Variants in CEP104 observed in about 807,000 individuals in gnomAD.
CEP104 encodes centrosomal protein 104, also known as centrosomal protein of 104 kDa.
Under a neutral mutation model 113.3 loss-of-function variants are expected in CEP104, and 84 were observed. The ratio of observed to expected loss-of-function variants is 0.74; its 90% CI spans 0.62 to 0.89. The LOEUF (loss-of-function observed/expected upper bound fraction) is 0.89. Ranked by LOEUF, CEP104 falls within the 40% of genes least tolerant of loss-of-function variation. The pLI, the probability that CEP104 is intolerant of heterozygous loss-of-function variation, is 0.00. For missense variants in CEP104, 1,053 were observed against 1,156.6 expected (o/e 0.91, Z 1.30); for synonymous variants, 378 against 421.7 (o/e 0.90, Z 1.27).
At chr1:3,856,469 C>T (rs1644731857) in intron 1 of CEP104, among the ~76,000 whole-genome samples, 1 of 152,196 alleles carries the variant, frequency 6.6e-6, no homozygotes, top group African/African-American at 2.4e-5. Flanking sequence ...ACAAAACAAA[C>T]TCCAAAACAA....
chr1:3,845,326 A>G lies in CEP104; in HGVS notation c.452T>C (p.Ile151Thr), dbSNP rs763807562. 47 of 1,609,246 alleles carry G rather than the reference A, an allele frequency of 2.9e-5. 1 individual carries two copies. Among genetic ancestry groups the G allele is most frequent in the East Asian group, 2.0e-4 (9 of 44,854 alleles). The change falls in exon 5 of 22, where the codon ATT becomes ACT. Residue 151 changes from isoleucine (I) to threonine (T), a missense_variant. Physicochemically the swap from Ile to Thr is moderately conservative, Grantham distance 89 (BLOSUM62 -1). Coordinates refer to ENST00000378230, the MANE Select transcript of CEP104 (RefSeq NM_014704.4). ...NQVALVAINI[I>T]GDPADFSDES... is the part of the protein sequence containing the mutation. ...ATCACTGAAATCTGCAGGGTCTCCA[A>G]TGATATTTATGGCAACCAAAGCAAC...
chr1:3,843,048 A>G, intron 6 of CEP104: 1 of 496,230 alleles, frequency 2.0e-6, no homozygotes. Context: ...TCAGCCTCCC[A>G]AAGTGCTGGG....
chr1:3,855,142 G>C (rs1644689671), intron 1 of CEP104, among the ~76,000 whole-genome samples: 1 of 149,870 alleles, frequency 6.7e-6, no homozygotes, highest in South Asian at 2.1e-4. Flanking sequence ...AAAGTGTTGG[G>C]ATTACAGGCG....
chr1:3,855,555 T>C (rs1049125038), intron 1 of CEP104, among the ~76,000 whole-genome samples: 7 of 152,156 alleles, frequency 4.6e-5, no homozygotes, highest in Non-Finnish European at 1.0e-4. Context: ...GTGTTTCCAG[T>C]ATGCTATACT....
intron 6 of CEP104, among the ~76,000 whole-genome samples, chr1:3,841,258 G>C (rs1644406278): frequency 6.6e-6 from 1 of 152,082 alleles, no homozygotes; most frequent in Non-Finnish European, 1.5e-5. Context: ...TGGGGCATAG[G>C]AATAGGCCCC....
In CEP104 at chr1:3,830,083, T is replaced by C. The variant is rs1179188218; in HGVS notation, c.1837-86A>G. On this transcript the variant is annotated intron_variant, in intron 13 of 21. Coordinates refer to ENST00000378230, the MANE Select transcript of CEP104 (RefSeq NM_014704.4). ...ACAAAAAAGGTACATTATAAACATG[T>C]GAAAAATAAAAGAGAAAACATCCGT... 6 of 976,084 alleles carry C rather than the reference T, an allele frequency of 6.1e-6. No homozygotes were observed. In the East Asian group the frequency reaches 1.2e-4, roughly 20 times the overall value. 60.5% of individuals were successfully genotyped at this position (976,084 alleles called of 1,614,324 possible).
At position 3,816,268 on chromosome 1, in the gene CEP104, G is replaced by A. The variant is rs745711038; in HGVS notation, c.2662+12C>T. 48 of 1,548,870 alleles carry A rather than the reference G, an allele frequency of 3.1e-5. No homozygotes were observed. The highest frequency in any genetic ancestry group is 1.7e-4 in the Middle Eastern group (1 of 5,872). On this transcript the variant is annotated intron_variant, in intron 21 of 21. Coordinates refer to ENST00000378230, the MANE Select transcript of CEP104 (RefSeq NM_014704.4). ...ATGCAGACTACACCTGCTCAGCGGCGCTGTCCCTCACCTGGCTGCAGTGCC... is the reference window on the plus strand; with the variant it reads ...ATGCAGACTACACCTGCTCAGCGGCACTGTCCCTCACCTGGCTGCAGTGCC...
Position 3,848,491 on chromosome 1 carries a change from C to T in CEP104, c.287+117G>A, listed in dbSNP as rs12239253. 220,971 of 787,006 alleles carry T rather than the reference C, an allele frequency of 0.28. 34,005 individuals carry two copies. The highest frequency in any genetic ancestry group is 0.5 in the African/African-American group (27,765 of 55,368). The allele number at this position is 787,006 out of a possible 1,614,324, so 48.8% of individuals were successfully genotyped here. ...AGGCTGCAGTGAGCTGAGATTGCAC[C>T]ACTGCACTCCAGCCTGGGTGACACA... On this transcript the variant is annotated intron_variant, in intron 3 of 21. Transcript: ENST00000378230.
chr1:3,828,697 T>C (rs1457822528), intron 15 of CEP104, among the ~76,000 whole-genome samples: 1 of 152,172 alleles, frequency 6.6e-6, no homozygotes, highest in African/African-American at 2.4e-5. Flanking sequence ...ATATCTTTTT[T>C]TTAAGGAAAT....
At chr1:3,826,669 C>T (rs745796665) in intron 16 of CEP104, 39 bp downstream of exon 16, 1 of 1,610,480 alleles carries the variant, frequency 6.2e-7, no homozygotes, top group South Asian at 1.1e-5. Context: ...CGATTCTTTA[C>T]ACACCCCAGT....
intron 1 of CEP104, among the ~76,000 whole-genome samples, chr1:3,856,440 G>C (rs1644731119): frequency 6.6e-6 from 1 of 152,210 alleles, no homozygotes; most frequent in African/African-American, 2.4e-5. Flanking sequence ...AGAGAAATCT[G>C]AACTTAAGTG....
intron 11 of CEP104, among the ~76,000 whole-genome samples, chr1:3,834,561 G>GA (rs1644275271): frequency 6.6e-6 from 1 of 152,216 alleles, no homozygotes; most frequent in Non-Finnish European, 1.5e-5. Context: ...TTCAGCATTA[G>GA]AAAAAACAGT....
chr1:3,837,525 GAAC>G lies in CEP104; in HGVS notation c.892-9_892-7del. ...AAATCAAAAGGTCTTCGCATCTAGA[GAAC>G]AAAAAGGAACATTTAATTTCAAATG... On this transcript the variant is annotated splice_polypyrimidine_tract_variant and splice_region_variant and intron_variant, in intron 8 of 21. Coordinates refer to ENST00000378230, the MANE Select transcript of CEP104 (RefSeq NM_014704.4). 6.2e-7 allele frequency: 1 copy of G among 1,609,868 alleles called. No homozygotes were observed. The highest frequency in any genetic ancestry group is 8.5e-7 in the Non-Finnish European group (1 of 1,176,630).
At chr1:3,843,800 C>T (rs1185158941) in intron 6 of CEP104, among the ~76,000 whole-genome samples, 6 of 151,202 alleles carry the variant, frequency 4.0e-5, no homozygotes, top group South Asian at 2.1e-4. Flanking sequence ...CTTGCTCTAT[C>T]GCCCAGGTTG....
chr1:3,816,414 A>G, intron 20 of CEP104, 44 bp from the exon 21 acceptor site: 1 of 1,469,582 alleles, frequency 6.8e-7, no homozygotes, highest in Non-Finnish European at 9.2e-7. Context: ...GGCGAGACGG[A>G]CCTGGCACGC....
At chr1:3,826,845 TTTTG>T (rs1644101854) in intron 15 of CEP104, 101 bp from the exon 16 acceptor site, 1 of 1,295,128 alleles carries the variant, frequency 7.7e-7, no homozygotes, top group Non-Finnish European at 1.1e-6. Flanking sequence ...CATTTCTGGG[TTTTG>T]TTTTAGAATT....
At chr1:3,830,067 G>T (rs1000367042) in intron 13 of CEP104, 70 bp from the exon 14 acceptor site, 1 of 1,143,402 alleles carries the variant, frequency 8.7e-7, no homozygotes, top group Non-Finnish European at 1.3e-6. Context: ...TACAAAAAAG[G>T]TACATTATAA....
At position 3,815,418 on chromosome 1, in the gene CEP104, G is replaced by C. The variant is rs754388554; in HGVS notation, c.2762C>G (p.Thr921Arg). ...KGGLSKSSSRTYAKR is the reference protein window; with the variant it reads ...KGGLSKSSSRRYAKR ...AGCGCCGCGTCAGCGCTTGGCGTAC[G>C]TCCTGCTGGAGCTCTTGCTCAGTCC... The change falls in exon 22 of 22, where the codon ACG becomes AGG. Residue 921 changes from threonine to arginine, a missense_variant. Transcript: ENST00000378230. 6.2e-7 allele frequency: 1 copy of C among 1,612,254 alleles called. No individual in the cohort carries two copies.
intron 15 of CEP104, among the ~76,000 whole-genome samples, chr1:3,827,444 T>G (rs1219219712): frequency 6.6e-6 from 1 of 152,086 alleles, no homozygotes; most frequent in Non-Finnish European, 1.5e-5. Context: ...GGTCTTGAAC[T>G]TCTGAAATCA....
Sources: allele counts gnomAD v4.1 joint callset (sites outside exome capture counted in the v4.1 genomes callset), GRCh38; gene constraint gnomAD v4.1.1; transcripts MANE v1.5; gene names NCBI Gene and HGNC (gene_info 2026-07-23, HGNC 2026-07-21).